DDX56: variants seen among roughly 807,000 people sequenced by gnomAD.
DDX56 encodes probable ATP-dependent RNA helicase DDX56.
DDX56 carries 45 observed loss-of-function variants against 61.5 expected under a neutral mutation model. That is an observed-to-expected ratio of 0.73 (90% CI 0.58 to 0.94). The LOEUF is 0.94. Among genes scored for constraint, DDX56 ranks in the 40% least tolerant of loss-of-function variants. The pLI, the probability that DDX56 is intolerant of heterozygous loss-of-function variation, is 0.00. For missense variants in DDX56, 708 were observed against 690.7 expected (o/e 1.02, Z -0.28); for synonymous variants, 273 against 268.3 (o/e 1.02, Z -0.17).
chr7:44,569,994 C>T (rs369614529), intron 8 of DDX56, 21 bp downstream of exon 8: 12 of 1,613,918 alleles, frequency 7.4e-6, no homozygotes, highest in African/African-American at 5.3e-5. Flanking sequence ...CATGCAGATG[C>T]CTGGGCCGTC....
At chr7:44,573,493 G>T in intron 2 of DDX56, 90 bp downstream of exon 2, 1 of 1,525,460 alleles carries the variant, frequency 6.6e-7, no homozygotes, top group South Asian at 1.2e-5. Flanking sequence ...CGGGTACAGG[G>T]CCAAGAGAAA....
Position 44,565,888 on chromosome 7 carries a change from C to A in DDX56, c.*114G>T. ...AAGGAGCTAAAGGGCCCAGCACTGCCGGCCCCAGAACTGTCTGTTCAGGCT... is the reference window on the plus strand; with the variant it reads ...AAGGAGCTAAAGGGCCCAGCACTGCAGGCCCCAGAACTGTCTGTTCAGGCT... On this transcript the variant is annotated 3_prime_UTR_variant, in exon 14 of 14. Coordinates refer to ENST00000258772, the MANE Select transcript of DDX56 (RefSeq NM_019082.4). The A allele has an allele frequency of 1.2e-6, 1 of 830,854 alleles. No homozygotes were observed. 51.5% of individuals were successfully genotyped at this position (830,854 alleles called of 1,614,324 possible).
Position 44,571,642 on chromosome 7 carries a change from AG to A in DDX56, c.739del (p.Leu247CysfsTer10). 6.2e-7 allele frequency: 1 copy of A among 1,614,188 alleles called. No homozygotes were observed. The highest frequency in any genetic ancestry group is 8.5e-7 in the Non-Finnish European group (1 of 1,180,036). ...TGACAGCTTGAGCAGGGCATACAGC[AG>A]GAGGAATTTGTCTTCCTCAGTCTCA... Reference protein sequence around the residue: ...VCETEEDKFLLLYALLKLSLI... With the variant: ...VCETEEDKFLXLYALLKLSLI... On this transcript the variant is annotated frameshift_variant, in exon 6 of 14. Coordinates refer to ENST00000258772, the MANE Select transcript of DDX56 (RefSeq NM_019082.4). LOFTEE classifies it high-confidence loss of function.
rs1802672477 is a variant in DDX56, at chr7:44,571,593, G to C, written c.789C>G (p.Leu263=). ...AACTCCGTTCTAGAGTGTTGACAAA[G>C]AGCAGAGACTTGCCCCGAATCAATG... ...KLSLIRGKSL[L]FVNTLERSYR... The change falls in exon 6 of 14, where the codon CTC becomes CTG. Residue 263 remains leucine, a synonymous_variant. Transcript: ENST00000258772. 2 of 1,614,166 alleles carry C rather than the reference G, an allele frequency of 1.2e-6. No individual in the cohort carries two copies. Among genetic ancestry groups the C allele is most frequent in the Non-Finnish European group, 1.7e-6 (2 of 1,180,044 alleles).
rs780018944 is a variant in DDX56, at chr7:44,570,036, G to A, written c.1103C>T (p.Ala368Val). 8 of 1,614,098 alleles carry A rather than the reference G, an allele frequency of 5.0e-6. No individual in the cohort carries two copies. Residue 368 changes from alanine to valine, a missense_variant, in exon 8 of 14, where the codon GCC (alanine) becomes GTC (valine). Physicochemically the swap from Ala to Val is moderately conservative, Grantham distance 64 (BLOSUM62 0). Transcript: ENST00000258772. ...CTACCTGCCAGCTCGATGGATGTAG[G>A]CCTCAGGGGTTGGGGGAAGATCAAA... The part of the protein sequence containing the change: ...LNFDLPPTPE[A>V]YIHRAGRTAR...
At position 44,572,581 on chromosome 7, in the gene DDX56, G is replaced by C; in HGVS notation, c.547C>G (p.Leu183Val). The C allele has an allele frequency of 1.2e-6, 2 of 1,614,080 alleles. No homozygotes were observed. The highest frequency in any genetic ancestry group is 1.7e-6 in the Non-Finnish European group (2 of 1,180,012). The change falls in exon 4 of 14, where the codon CTC (leucine) becomes GTC (valine). Residue 183 changes from leucine to valine, a missense_variant. Coordinates refer to ENST00000258772, the MANE Select transcript of DDX56 (RefSeq NM_019082.4). ...SFGFEEELKSLLCHLPRIYQA... is the reference protein window; with the variant it reads ...SFGFEEELKSVLCHLPRIYQA... ...CACCCACCTCTGCCTTACCAGAGGAGACTCTTGAGCTCTTCTTCAAAGCCA... is the reference window on the plus strand; with the variant it reads ...CACCCACCTCTGCCTTACCAGAGGACACTCTTGAGCTCTTCTTCAAAGCCA...
intron 3 of DDX56, 42 bp downstream of exon 3, chr7:44,572,848 T>C (rs992147929): frequency 6.3e-7 from 1 of 1,590,808 alleles, no homozygotes. Context: ...CCCACAACAC[T>C]GTGTAGCTTC....
rs375751369 is a variant in DDX56 at position 44,566,084 on chromosome 7, G to A, written c.1567-5C>T. The A allele has an allele frequency of 4.4e-6, 7 of 1,604,008 alleles. No homozygotes were observed. The East Asian group carries it at 1.1e-4, about 26-fold the overall frequency. On this transcript the variant is annotated splice_polypyrimidine_tract_variant and splice_region_variant and intron_variant, in intron 13 of 13. Transcript: ENST00000258772. ...TGGGTTCTGGGACTTTGCTCTCTAA[G>A]GAGGCAAAGTCACAGGTTAGTTGGG...
chr7:44,573,855 A>T lies in DDX56; in HGVS notation c.41T>A (p.Leu14His). 6.2e-7 allele frequency: 1 copy of T among 1,613,344 alleles called. No homozygotes were observed. Residue 14 changes from leucine to histidine, a missense_variant, in exon 1 of 14, where the codon CTC becomes CAC. Leu to His is a moderately conservative substitution (Grantham distance 99). Transcript: ENST00000258772. ...GTGTACCTGAAGGAGCCGGGGATCG[A>T]GGCCCATGTGTTCGAAGCCCAGTGC... ...SEALGFEHMG[L>H]DPRLLQAVTD... is the part of the protein sequence containing the mutation.
At position 44,570,811 on chromosome 7, in the gene DDX56, G is replaced by A. The variant is rs960152366; in HGVS notation, c.957C>T (p.Val319=). The A allele has an allele frequency of 1.9e-6, 3 of 1,613,870 alleles. No individual in the cohort carries two copies. The highest frequency in any genetic ancestry group is 1.7e-5 in the Admixed American group (1 of 60,004). The change falls in exon 7 of 14, where the codon GTC becomes GTT. Residue 319 remains valine (V), a synonymous_variant. Transcript: ENST00000258772. ...GCTTGCCCTTGACTGGGGCCCCCAG[G>A]ACTTCAGCATCAGTTGCTATGACAC... is the stretch of plus-strand genomic sequence containing the variant. ...YDCVIATDAE[V]LGAPVKGKRR...
intron 6 of DDX56, among the ~76,000 whole-genome samples, chr7:44,571,227 C>T (rs569100461): frequency 6.6e-6 from 1 of 152,148 alleles, no homozygotes; most frequent in African/African-American, 2.4e-5. Context: ...TTAGTAGAGA[C>T]GGGGTTTCAC....
chr7:44,569,653 G>C, intron 9 of DDX56, 156 bp downstream of exon 9: 1 of 681,804 alleles, frequency 1.5e-6, no homozygotes, highest in South Asian at 1.9e-5. Flanking sequence ...TATCTCTCAA[G>C]GGGGACAGTG....
chr7:44,573,387 G>C (rs1295453605), intron 2 of DDX56, among the ~76,000 whole-genome samples, 196 bp downstream of exon 2: 1 of 152,248 alleles, frequency 6.6e-6, no homozygotes, highest in Non-Finnish European at 1.5e-5. Flanking sequence ...ATTACGCAAA[G>C]GTTGGTGGTA....
In DDX56 at chr7:44,572,939, C is replaced by G. The variant is rs751226534; in HGVS notation, c.334G>C (p.Asp112His). ...GCTGAGACATTGGCCACTCGGACAT[C>G]CCGAGCACAGTAGGTAGCCAGCTGC... ...IQQLATYCARDVRVANVSAAE... is the reference protein window; with the variant it reads ...IQQLATYCARHVRVANVSAAE... Residue 112 changes from aspartate (D) to histidine (H), a missense_variant, in exon 3 of 14, where the codon GAT becomes CAT. Transcript: ENST00000258772. 1.2e-6 allele frequency: 2 copies of G among 1,611,528 alleles called. No homozygotes were observed. Among genetic ancestry groups the G allele is most frequent in the East Asian group, 2.2e-5 (1 of 44,862 alleles).
chr7:44,570,595 T>A (rs1438921787), intron 7 of DDX56, among the ~76,000 whole-genome samples, 163 bp downstream of exon 7: 3 of 152,242 alleles, frequency 2.0e-5, no homozygotes, highest in African/African-American at 7.2e-5. Context: ...CCCTTCTCTA[T>A]ATCCAGGCAG....
At chr7:44,571,332 G>A (rs1319579651) in intron 6 of DDX56, among the ~76,000 whole-genome samples, 160 bp downstream of exon 6, 1 of 152,206 alleles carries the variant, frequency 6.6e-6, no homozygotes. Flanking sequence ...ATAAGCCATG[G>A]TGCCCGGCCA....
chr7:44,565,881 G>T lies in DDX56; in HGVS notation c.*121C>A. The T allele has an allele frequency of 1.3e-6, 1 of 787,496 alleles. No individual in the cohort carries two copies. The highest frequency in any genetic ancestry group is 2.2e-6 in the Non-Finnish European group (1 of 456,396). 48.8% of individuals were successfully genotyped at this position (787,496 alleles called of 1,614,324 possible). ...AAGTGCCAAGGAGCTAAAGGGCCCA[G>T]CACTGCCGGCCCCAGAACTGTCTGT... On this transcript the variant is annotated 3_prime_UTR_variant, in exon 14 of 14. Transcript: ENST00000258772.
Position 44,573,094 on chromosome 7 carries a change from A to C in DDX56, c.223-44T>G, listed in dbSNP as rs535681873. On this transcript the variant is annotated intron_variant, in intron 2 of 13. Coordinates refer to ENST00000258772, the MANE Select transcript of DDX56 (RefSeq NM_019082.4). ...AAGACTTTAGCCAGCAGTGCACATC[A>C]CTGTGTCCACGTGTCTCTACCCCTT... The C allele has an allele frequency of 2.6e-4, 394 of 1,517,930 alleles. 7 individuals carry two copies. In the South Asian group the frequency reaches 5.0e-3, roughly 19 times the overall value. The allele number at this position is 1,517,930 out of a possible 1,614,324, so 94.0% of individuals were successfully genotyped here.
Position 44,569,214 on chromosome 7 carries a change from G to A in DDX56, c.1220-11C>T. 6.2e-7 allele frequency: 1 copy of A among 1,612,950 alleles called. No homozygotes were observed. Among genetic ancestry groups the A allele is most frequent in the Non-Finnish European group, 8.5e-7 (1 of 1,179,710 alleles). On this transcript the variant is annotated splice_polypyrimidine_tract_variant and intron_variant, in intron 9 of 13. Transcript: ENST00000258772. Reference sequence around the variant, plus strand: ...TGGGGCCCCTGTTCTCTGTGGAGAAGAAAGCAGCGAGGGTCCCACAGGCTG... The same window carrying A: ...TGGGGCCCCTGTTCTCTGTGGAGAAAAAAGCAGCGAGGGTCCCACAGGCTG...
Sources: gnomAD v4.1 joint callset for allele counts (sites outside exome capture counted in the v4.1 genomes callset) on GRCh38, gnomAD v4.1.1 for gene constraint, MANE v1.5 for transcripts, NCBI Gene and HGNC (gene_info 2026-07-23, HGNC 2026-07-21) for gene names.